PTPRT: variants seen among roughly 807,000 people sequenced by gnomAD.
PTPRT encodes the protein protein tyrosine phosphatase receptor type T, also known as receptor-type tyrosine-protein phosphatase T.
A neutral mutation model predicts 176.8 loss-of-function variants in PTPRT; 56 were observed. The observed-to-expected ratio is 0.32, with a 90% CI of 0.26 to 0.40. The LOEUF (loss-of-function observed/expected upper bound fraction) is 0.40, where lower values mean the gene tolerates loss of function less well. PTPRT is among the 10% of genes least tolerant of loss of function. The pLI, the probability that PTPRT is intolerant of heterozygous loss-of-function variation, is 1.00. For missense variants in PTPRT, 1,540 were observed against 1,908.2 expected (o/e 0.81, Z 3.60); for synonymous variants, 783 against 739.0 (o/e 1.06, Z -0.96).
chr20:42,590,871 T>C (rs1004316069), intron 7 of PTPRT, among the ~76,000 whole-genome samples: 3 of 151,960 alleles, frequency 2.0e-5, no homozygotes, highest in African/African-American at 7.3e-5. Context: ...ACAGACCATT[T>C]GACTAATGAA....
At chr20:43,091,207 T>C (rs1395258949) in intron 1 of PTPRT, among the ~76,000 whole-genome samples, 1 of 151,872 alleles carries the variant, frequency 6.6e-6, no homozygotes, top group Non-Finnish European at 1.5e-5. Context: ...CACTCCAGCC[T>C]GGGCGACGGA....
chr20:43,160,465 C>A (rs1237987906), intron 1 of PTPRT, among the ~76,000 whole-genome samples: 1 of 152,162 alleles, frequency 6.6e-6, no homozygotes, highest in Non-Finnish European at 1.5e-5. Flanking sequence ...GGTTTCTTTA[C>A]ACAGGACTTT....
At chr20:42,669,646 G>A (rs1161938773) in intron 7 of PTPRT, among the ~76,000 whole-genome samples, 3 of 152,226 alleles carry the variant, frequency 2.0e-5, no homozygotes, top group East Asian at 1.9e-4. Context: ...AAAAACTCAC[G>A]AGACTAGTTA....
At chr20:42,210,308 CAGGAGA>C (rs1185539771) in intron 15 of PTPRT, among the ~76,000 whole-genome samples, 5 of 151,992 alleles carry the variant, frequency 3.3e-5, no homozygotes, top group Non-Finnish European at 7.4e-5. Flanking sequence ...GGCAATGAGG[CAGGAGA>C]AGGAAATAAA....
chr20:42,602,665 C>T (rs1172716773), intron 7 of PTPRT, among the ~76,000 whole-genome samples: 1 of 152,036 alleles, frequency 6.6e-6, no homozygotes, highest in Non-Finnish European at 1.5e-5. Context: ...ACTCTTACCA[C>T]TATGTTCTTT....
chr20:43,031,236 G>T (rs1386401823), intron 1 of PTPRT, among the ~76,000 whole-genome samples: 1 of 152,162 alleles, frequency 6.6e-6, no homozygotes, highest in African/African-American at 2.4e-5. Flanking sequence ...TAAGCTGTCG[G>T]TGGCAGTACA....
At chr20:42,081,739 C>A (rs1456226706) in intron 30 of PTPRT, 143 bp downstream of exon 30, 7 of 1,110,800 alleles carry the variant, frequency 6.3e-6, no homozygotes, top group Non-Finnish European at 6.6e-6. Context: ...ACAGGACAGA[C>A]AACAGTGCAT....
chr20:42,715,318 A>G (rs2076206861), intron 6 of PTPRT, among the ~76,000 whole-genome samples: 1 of 152,232 alleles, frequency 6.6e-6, no homozygotes, highest in Non-Finnish European at 1.5e-5. Flanking sequence ...ATAAGGAGTA[A>G]AATGAACAGA....
chr20:42,209,175 A>G (rs895643897), intron 15 of PTPRT, among the ~76,000 whole-genome samples: 1 of 152,242 alleles, frequency 6.6e-6, no homozygotes, highest in African/African-American at 2.4e-5. Flanking sequence ...ATAGCACTTA[A>G]TGCCCACAAG....
intron 13 of PTPRT, among the ~76,000 whole-genome samples, chr20:42,253,287 G>C (rs750086174): frequency 6.6e-6 from 1 of 152,128 alleles, no homozygotes; most frequent in African/African-American, 2.4e-5. Flanking sequence ...AATGTGGTGC[G>C]CTTTCCACAG....
chr20:42,887,716 G>A (rs2079125262), intron 1 of PTPRT, among the ~76,000 whole-genome samples: 1 of 152,194 alleles, frequency 6.6e-6, no homozygotes, highest in South Asian at 2.1e-4. Context: ...GAAAACCTGT[G>A]ATAGAAAAGC....
At chr20:42,873,798 A>G (rs2078884823) in intron 2 of PTPRT, among the ~76,000 whole-genome samples, 1 of 152,186 alleles carries the variant, frequency 6.6e-6, no homozygotes, top group African/African-American at 2.4e-5. Context: ...GGCAAATGGG[A>G]CCTCAATGGA....
At chr20:42,032,841 A>G in the PTPRT span, among the ~76,000 whole-genome samples, 2 of 152,324 alleles carry the variant, frequency 1.3e-5, no homozygotes, top group Middle Eastern at 6.8e-3. Flanking sequence ...ACACCCCCAG[A>G]GAATGGTGAG....
chr20:42,159,191 A>G (rs1213464659), intron 17 of PTPRT, among the ~76,000 whole-genome samples: 1 of 142,896 alleles, frequency 7.0e-6, no homozygotes, highest in Non-Finnish European at 1.5e-5. Context: ...TGAATATACC[A>G]TTTCCTTTCT....
intron 8 of PTPRT, among the ~76,000 whole-genome samples, chr20:42,454,069 T>C (rs1278920824): frequency 6.6e-6 from 1 of 152,064 alleles, no homozygotes; most frequent in Non-Finnish European, 1.5e-5. Context: ...CCCAAGACAA[T>C]ATATCATTTA....
intron 1 of PTPRT, among the ~76,000 whole-genome samples, chr20:42,970,322 T>G (rs577703236): frequency 1.3e-5 from 2 of 152,190 alleles, no homozygotes; most frequent in Non-Finnish European, 2.9e-5. Flanking sequence ...TAACTACCAG[T>G]CAAGGATTCG....
intron 9 of PTPRT, among the ~76,000 whole-genome samples, chr20:42,394,876 C>T (rs139896180): frequency 4.5e-4 from 68 of 152,202 alleles, no homozygotes; most frequent in African/African-American, 1.6e-3. Flanking sequence ...TCCTCTGAAA[C>T]CATTAAAATG....
At chr20:43,120,066 C>T (rs1244530064) in intron 1 of PTPRT, among the ~76,000 whole-genome samples, 1 of 152,190 alleles carries the variant, frequency 6.6e-6, no homozygotes, top group Non-Finnish European at 1.5e-5. Flanking sequence ...CTTGGCCTCC[C>T]ATAGTGCTGG....
At chr20:42,940,502 A>T (rs918960556) in intron 1 of PTPRT, among the ~76,000 whole-genome samples, 9 of 152,228 alleles carry the variant, frequency 5.9e-5, no homozygotes, top group Non-Finnish European at 1.0e-4. Flanking sequence ...CAGGATAGAT[A>T]TGAAAATCAG....
Sources: allele counts gnomAD v4.1 joint callset (sites outside exome capture counted in the v4.1 genomes callset), GRCh38; gene constraint gnomAD v4.1.1; transcripts MANE v1.5; gene names NCBI Gene and HGNC (gene_info 2026-07-23, HGNC 2026-07-21).